Variants in ICE2 observed in about 807,000 individuals in gnomAD.
ICE2 encodes interactor of little elongation complex ELL subunit 2.
Under a neutral mutation model 105.4 loss-of-function variants are expected in ICE2, and 87 were observed. The ratio of observed to expected loss-of-function variants is 0.83; its 90% confidence interval spans 0.69 to 0.99. The LOEUF is 0.99. ICE2 is among the 50% of genes least tolerant of loss of function. ICE2 has a pLI of 0.00. For synonymous variants in ICE2, 399 were observed against 392.0 expected (o/e 1.02, Z -0.21); for missense variants, 1,323 against 1,146.7 (o/e 1.15, Z -2.22).
Position 60,431,923 on chromosome 15 carries a change from A to G in ICE2, c.2561+11T>C. On this transcript the variant is annotated intron_variant, in intron 14 of 15. Coordinates refer to ENST00000261520, the MANE Select transcript of ICE2 (RefSeq NM_024611.6). ...AGATGTATCAAAGCAAAATGCCTAAAAAATACTTACCTACTTAGTTTCTTT... is the reference window on the plus strand; with the variant it reads ...AGATGTATCAAAGCAAAATGCCTAAGAAATACTTACCTACTTAGTTTCTTT... The G allele has an allele frequency of 1.5e-6, 2 of 1,334,650 alleles. No homozygotes were observed. The allele number at this position is 1,334,650 out of a possible 1,614,324, so 82.7% of individuals were successfully genotyped here.
Position 60,421,431 on chromosome 15 carries a change from A to G in ICE2, c.*2203T>C, listed in dbSNP as rs963602487. Reference sequence around the variant, plus strand: ...ACTAAAAATCAAGAAAAAGAACATAAAGCATATCAAATGTATGTTAAAAAA... The same window carrying G: ...ACTAAAAATCAAGAAAAAGAACATAGAGCATATCAAATGTATGTTAAAAAA... On this transcript the variant is annotated 3_prime_UTR_variant, in exon 16 of 16. Coordinates refer to ENST00000261520, the MANE Select transcript of ICE2 (RefSeq NM_024611.6). The G allele has an allele frequency of 3.9e-5, 6 of 152,204 alleles. No homozygotes were observed. The highest frequency in any genetic ancestry group is 1.3e-4 in the Admixed American group (2 of 15,280). 9.4% of individuals were successfully genotyped at this position (152,204 alleles called of 1,614,324 possible).
intron 5 of ICE2, among the ~76,000 whole-genome samples, chr15:60,463,449 C>A (rs2064335008): frequency 6.6e-6 from 1 of 152,038 alleles, no homozygotes; most frequent in South Asian, 2.1e-4. Flanking sequence ...AAGGAAGGCC[C>A]AAAAGGATTC....
chr15:60,455,027 A>C lies in ICE2; in HGVS notation c.919T>G (p.Cys307Gly). 1.3e-6 allele frequency: 2 copies of C among 1,569,006 alleles called. No homozygotes were observed. The highest frequency in any genetic ancestry group is 1.2e-5 in the South Asian group (1 of 82,478). Residue 307 changes from cysteine (C) to glycine (G), a missense_variant, in exon 8 of 16, where the codon TGT becomes GGT. Transcript: ENST00000261520. ...CCTGCAACAGGTATTACTTGAATAC[A>C]CACTGGAATTTCCCACTGTTCCTTG... is the stretch of plus-strand genomic sequence containing the variant. Reference protein sequence around the residue: ...TYKEQWEIPVCIQVIPVAGSK... With the variant: ...TYKEQWEIPVGIQVIPVAGSK...
In ICE2 at chr15:60,449,307, T is replaced by C; in HGVS notation, c.1660A>G (p.Lys554Glu). The change falls in exon 10 of 16, where the codon AAG (lysine) becomes GAG (glutamate). Residue 554 changes from lysine to glutamate, a missense_variant. Physicochemically the swap from Lys to Glu is moderately conservative, Grantham distance 56. Coordinates refer to ENST00000261520, the MANE Select transcript of ICE2 (RefSeq NM_024611.6). ...TTTGCTGCTTCTGATCCAACAGTCT[T>C]TTCCTTTGAGTTGTCTAGGTTTTCT... Reference protein sequence around the residue: ...VLENLDNSKEKTVGSEAAKTE... With the variant: ...VLENLDNSKEETVGSEAAKTE... 2 of 1,613,160 alleles carry C rather than the reference T, an allele frequency of 1.2e-6. No individual in the cohort carries two copies. Among genetic ancestry groups the C allele is most frequent in the South Asian group, 2.2e-5 (2 of 91,050 alleles).
rs76877007 is a variant in ICE2, at chr15:60,424,070, C to A, written c.2821-308G>T. Among the ~76,000 whole-genome samples, 79 of 152,104 alleles carry A rather than the reference C, an allele frequency of 5.2e-4. 3 individuals carry two copies. The East Asian group carries it at 0.015, about 29-fold the overall frequency. On this transcript the variant is annotated intron_variant, in intron 15 of 15. Coordinates refer to ENST00000261520, the MANE Select transcript of ICE2 (RefSeq NM_024611.6). ...GATAAATTAGAAATCAAGGGAATGACAGGCCTTATGTGTGATGTGTTTGAA... is the reference window on the plus strand; with the variant it reads ...GATAAATTAGAAATCAAGGGAATGAAAGGCCTTATGTGTGATGTGTTTGAA...
In ICE2 at chr15:60,449,343, G is replaced by A. The variant is rs773690185; in HGVS notation, c.1624C>T (p.Pro542Ser). 2 of 1,613,026 alleles carry A rather than the reference G, an allele frequency of 1.2e-6. No homozygotes were observed. The highest frequency in any genetic ancestry group is 1.7e-6 in the Non-Finnish European group (2 of 1,179,950). ...TTGTCTAGGTTTTCTAGAACATTAG[G>A]TCTTTCACCATCAGCATGTAATATA... ...IDILHADGER[P>S]NVLENLDNSK... The change falls in exon 10 of 16, where the codon CCT (proline) becomes TCT (serine). Residue 542 changes from proline (P) to serine (S), a missense_variant. By Grantham distance (74) the Pro-to-Ser change is moderately conservative. Coordinates refer to ENST00000261520, the MANE Select transcript of ICE2 (RefSeq NM_024611.6).
At chr15:60,437,565 TC>T (rs2063624437) in intron 12 of ICE2, among the ~76,000 whole-genome samples, 1 of 152,072 alleles carries the variant, frequency 6.6e-6, no homozygotes, top group African/African-American at 2.4e-5. Context: ...ACTCCTGACG[TC>T]AGGTGATCCA....
At chr15:60,430,011 A>G (rs2063421068) in intron 14 of ICE2, among the ~76,000 whole-genome samples, 1 of 152,214 alleles carries the variant, frequency 6.6e-6, no homozygotes, top group Non-Finnish European at 1.5e-5. Flanking sequence ...GCTATGGTAG[A>G]CAGAATAGTG....
At chr15:60,475,619 A>G (rs2064738555) in intron 3 of ICE2, among the ~76,000 whole-genome samples, 1 of 152,186 alleles carries the variant, frequency 6.6e-6, no homozygotes, top group Non-Finnish European at 1.5e-5. Context: ...ACTTTAAATG[A>G]CAGATAATTG....
At chr15:60,456,551 AT>A (rs750940587) in intron 6 of ICE2, 105 bp downstream of exon 6, 782 of 69,132 alleles carry the variant, frequency 0.011, 62 homozygotes, top group East Asian at 0.021. Flanking sequence ...AAAAAAAAAA[AT>A]AAATAAATAA....
At chr15:60,435,753 A>G (rs971255399) in intron 13 of ICE2, among the ~76,000 whole-genome samples, 2 of 152,220 alleles carry the variant, frequency 1.3e-5, no homozygotes, top group African/African-American at 2.4e-5. Flanking sequence ...AGGCAGGCAC[A>G]TTGCTTGAGT....
chr15:60,448,403 T>C (rs1469942195), intron 10 of ICE2, among the ~76,000 whole-genome samples: 1 of 152,206 alleles, frequency 6.6e-6, no homozygotes, highest in Non-Finnish European at 1.5e-5. Flanking sequence ...TGAGACAGCA[T>C]ACCATGTGAG....
chr15:60,463,335 T>A (rs2064332237), intron 5 of ICE2, among the ~76,000 whole-genome samples: 1 of 152,200 alleles, frequency 6.6e-6, no homozygotes, highest in African/African-American at 2.4e-5. Flanking sequence ...ATCAACAGGA[T>A]AAATTGTAAT....
intron 4 of ICE2, 27 bp downstream of exon 4, chr15:60,468,034 C>T: frequency 1.4e-6 from 2 of 1,476,106 alleles, no homozygotes; most frequent in Non-Finnish European, 1.8e-6. Flanking sequence ...ATTATTTTTT[C>T]CTGAAACTGA....
At chr15:60,454,161 T>C (rs2064037562) in intron 8 of ICE2, among the ~76,000 whole-genome samples, 2 of 152,244 alleles carry the variant, frequency 1.3e-5, no homozygotes, top group Admixed American at 1.3e-4. Flanking sequence ...AGACATAGTC[T>C]TTCATTTATT....
intron 11 of ICE2, among the ~76,000 whole-genome samples, chr15:60,443,826 G>C (rs957860358): frequency 6.6e-6 from 1 of 152,172 alleles, no homozygotes; most frequent in Non-Finnish European, 1.5e-5. Context: ...GGGTGCAGTG[G>C]CTCATGCCTA....
intron 13 of ICE2, 69 bp from the exon 14 acceptor site, chr15:60,432,053 C>T (rs1482056400): frequency 2.5e-6 from 2 of 798,730 alleles, no homozygotes; most frequent in Admixed American, 4.4e-5. Flanking sequence ...TATAGCTCCT[C>T]AGGCAGAGAA....
rs972267663 is a variant in ICE2 at position 60,471,898 on chromosome 15, T to A, written c.147-3576A>T. On this transcript the variant is annotated intron_variant, in intron 3 of 15. Coordinates refer to ENST00000261520, the MANE Select transcript of ICE2 (RefSeq NM_024611.6). Reference sequence around the variant, plus strand: ...TAGCATTTGGAAATGGTGCTTCTAGTCTCCATTTCAAGTCTACTAGTATCT... The same window carrying A: ...TAGCATTTGGAAATGGTGCTTCTAGACTCCATTTCAAGTCTACTAGTATCT... Among the ~76,000 whole-genome samples, 4 of 152,230 alleles carry A rather than the reference T, an allele frequency of 2.6e-5. No homozygotes were observed. In the South Asian group the frequency reaches 6.2e-4, roughly 24 times the overall value.
At chr15:60,446,816 G>T (rs2063832440) in intron 11 of ICE2, among the ~76,000 whole-genome samples, 1 of 152,168 alleles carries the variant, frequency 6.6e-6, no homozygotes, top group South Asian at 2.1e-4. Flanking sequence ...AGTGGTCAGT[G>T]ATGATTCTTA....
Sources: allele counts gnomAD v4.1 joint callset (sites outside exome capture counted in the v4.1 genomes callset), GRCh38; gene constraint gnomAD v4.1.1; transcripts MANE v1.5; gene names NCBI Gene and HGNC (gene_info 2026-07-23, HGNC 2026-07-21).